NOL4: variants seen among roughly 807,000 people sequenced by gnomAD.
NOL4 encodes the protein nucleolar protein 4.
NOL4 carries 17 observed loss-of-function variants against 75.9 expected under a neutral mutation model. That is an observed-to-expected ratio of 0.22 (90% confidence interval 0.15 to 0.34). The LOEUF is 0.34. NOL4 is among the 10% of genes least tolerant of loss of function. The pLI is 1.00. For missense variants in NOL4, 614 were observed against 793.5 expected, an observed-to-expected ratio of 0.77 and a Z score of 2.72; for synonymous variants, 292 against 289.9, an observed-to-expected ratio of 1.01 and a Z score of -0.07.
intron 1 of NOL4, among the ~76,000 whole-genome samples, chr18:34,177,780 T>C (rs1025044714): frequency 1.3e-5 from 2 of 151,760 alleles, no homozygotes; most frequent in East Asian, 3.9e-4. Context: ...TCTTCAAAAA[T>C]AAGGATAAAT....
At chr18:34,133,701 C>T (rs2145928769) in intron 1 of NOL4, among the ~76,000 whole-genome samples, 1 of 152,164 alleles carries the variant, frequency 6.6e-6, no homozygotes, top group East Asian at 1.9e-4. Context: ...CAGATCCACA[C>T]ATAGAAAGAA....
At position 34,072,830 on chromosome 18, in the gene NOL4, C is replaced by A. The variant is rs187186420; in HGVS notation, c.772+20635G>T. Among the ~76,000 whole-genome samples, 36 of 152,072 alleles carry A rather than the reference C, an allele frequency of 2.4e-4. 2 individuals carry two copies. Among genetic ancestry groups the A allele is most frequent in the Admixed American group, 2.2e-3 (34 of 15,282 alleles). ...AACCAAATATTTGGAAATTGAACACCAACTTCTAAATAATCTATTGGTTAA... is the reference window on the plus strand; with the variant it reads ...AACCAAATATTTGGAAATTGAACACAAACTTCTAAATAATCTATTGGTTAA... On this transcript the variant is annotated intron_variant, in intron 5 of 10. Coordinates refer to ENST00000261592, the MANE Select transcript of NOL4 (RefSeq NM_003787.5).
chr18:34,000,242 T>C (rs1324014292), intron 6 of NOL4, among the ~76,000 whole-genome samples: 2 of 152,130 alleles, frequency 1.3e-5, no homozygotes, highest in African/African-American at 2.4e-5. Context: ...ACAGTCAACC[T>C]GCTCAGGAGC....
chr18:34,142,386 G>A (rs1264416416), intron 1 of NOL4, among the ~76,000 whole-genome samples: 1 of 152,188 alleles, frequency 6.6e-6, no homozygotes, highest in African/African-American at 2.4e-5. Context: ...GCACATGTAT[G>A]TTTATTGTGG....
At chr18:34,110,479 C>T (rs1009201137) in intron 2 of NOL4, among the ~76,000 whole-genome samples, 45 of 152,158 alleles carry the variant, frequency 3.0e-4, no homozygotes, top group African/African-American at 1.1e-3. Context: ...TGACAAAATT[C>T]AACATCTATT....
At chr18:33,973,655 A>C (rs1460174922) in intron 6 of NOL4, among the ~76,000 whole-genome samples, 2 of 152,218 alleles carry the variant, frequency 1.3e-5, no homozygotes, top group African/African-American at 4.8e-5. Context: ...GTTGGTTAGC[A>C]GGCCTGAAAA....
chr18:34,193,553 G>A (rs1302802868), intron 1 of NOL4, among the ~76,000 whole-genome samples: 1 of 151,886 alleles, frequency 6.6e-6, no homozygotes, highest in Non-Finnish European at 1.5e-5. Context: ...CATCCCATAC[G>A]CACTATAATG....
chr18:33,898,981 A>C (rs1483714368), intron 9 of NOL4, among the ~76,000 whole-genome samples: 1 of 151,496 alleles, frequency 6.6e-6, no homozygotes, highest in Non-Finnish European at 1.5e-5. Flanking sequence ...ACCCATCCCC[A>C]CTCCACTGGG....
At chr18:33,876,207 GAT>G (rs2063926715) in intron 10 of NOL4, among the ~76,000 whole-genome samples, 1 of 151,998 alleles carries the variant, frequency 6.6e-6, no homozygotes, top group Admixed American at 6.6e-5. Flanking sequence ...TCTTGAACAT[GAT>G]ATAATCTGCA....
At chr18:34,113,969 G>A in intron 2 of NOL4, among the ~76,000 whole-genome samples, 1 of 152,146 alleles carries the variant, frequency 6.6e-6, no homozygotes, top group Non-Finnish European at 1.5e-5. Flanking sequence ...CCTCAAGGTA[G>A]CCCATTTATC....
intron 5 of NOL4, among the ~76,000 whole-genome samples, chr18:34,035,911 C>T (rs1434289196): frequency 6.6e-6 from 1 of 151,990 alleles, no homozygotes; most frequent in Admixed American, 6.6e-5. Context: ...ATATATCCTA[C>T]TAAAATTGAA....
chr18:33,910,997 G>A (rs1238967345), intron 9 of NOL4, among the ~76,000 whole-genome samples: 1 of 151,964 alleles, frequency 6.6e-6, no homozygotes, highest in East Asian at 1.9e-4. Flanking sequence ...TTTCCCTTCA[G>A]TCTCTCTCTT....
intron 5 of NOL4, among the ~76,000 whole-genome samples, chr18:34,057,728 G>C (rs1207943115): frequency 2.0e-5 from 3 of 152,048 alleles, no homozygotes; most frequent in African/African-American, 7.3e-5. Flanking sequence ...AGATTTTGAG[G>C]GTAAGAATCA....
At chr18:34,174,628 T>G (rs1408863345) in intron 1 of NOL4, among the ~76,000 whole-genome samples, 2 of 152,046 alleles carry the variant, frequency 1.3e-5, no homozygotes, top group African/African-American at 4.8e-5. Context: ...GCTGCACCCA[T>G]CAGCCCGTCA....
intron 1 of NOL4, among the ~76,000 whole-genome samples, chr18:34,173,571 A>G (rs2033256983): frequency 6.6e-6 from 1 of 152,160 alleles, no homozygotes; most frequent in Non-Finnish European, 1.5e-5. Flanking sequence ...ATAGTGTTTT[A>G]AAGTTATTTG....
intron 5 of NOL4, among the ~76,000 whole-genome samples, chr18:34,062,335 G>T (rs1169015985): frequency 5.3e-5 from 8 of 152,032 alleles, no homozygotes; most frequent in African/African-American, 1.9e-4. Flanking sequence ...CATAATAAGA[G>T]ATATTAGTTA....
intron 5 of NOL4, among the ~76,000 whole-genome samples, chr18:34,033,747 T>G (rs1389729140): frequency 3.9e-5 from 6 of 152,050 alleles, no homozygotes; most frequent in African/African-American, 7.2e-5. Context: ...CACATTATAG[T>G]CAAACCAGCT....
chr18:33,911,088 G>T (rs2066369756), intron 9 of NOL4, among the ~76,000 whole-genome samples: 1 of 152,042 alleles, frequency 6.6e-6, no homozygotes, highest in African/African-American at 2.4e-5. Flanking sequence ...GTTTGGGACA[G>T]TTTTTGTTGG....
intron 5 of NOL4, among the ~76,000 whole-genome samples, chr18:34,074,973 A>G (rs1222366883): frequency 6.6e-6 from 1 of 152,176 alleles, no homozygotes; most frequent in Non-Finnish European, 1.5e-5. Context: ...GGCTCATAGT[A>G]AGTACTTAAT....
Sources: gnomAD v4.1 joint callset for allele counts (sites outside exome capture counted in the v4.1 genomes callset) on GRCh38, gnomAD v4.1.1 for gene constraint, MANE v1.5 for transcripts, NCBI Gene and HGNC (gene_info 2026-07-23, HGNC 2026-07-21) for gene names.